Variants in LRFN5 observed in about 807,000 individuals in gnomAD.
LRFN5 encodes the protein leucine-rich repeat and fibronectin type-III domain-containing protein 5.
LRFN5 carries 24 observed loss-of-function variants against 45.6 expected under a neutral mutation model. The observed-to-expected ratio is 0.53, with a 90% CI of 0.38 to 0.74. The LOEUF is 0.74. LRFN5 is among the 30% of genes least tolerant of loss of function. LRFN5 has a pLI of 0.00. For missense variants in LRFN5, 776 were observed against 861.5 expected, an observed-to-expected ratio of 0.90 and a Z score of 1.24; for synonymous variants, 340 against 313.8, an observed-to-expected ratio of 1.08 and a Z score of -0.88.
intron 4 of LRFN5, among the ~76,000 whole-genome samples, chr14:41,898,705 T>C (rs959500443): frequency 1.3e-5 from 2 of 152,022 alleles, no homozygotes; most frequent in African/African-American, 4.8e-5. Flanking sequence ...TTTTTAAGCA[T>C]TAGGAATAAG....
chr14:41,879,034 T>A (rs1187449730), intron 2 of LRFN5, among the ~76,000 whole-genome samples: 1 of 152,056 alleles, frequency 6.6e-6, no homozygotes, highest in African/African-American at 2.4e-5. Flanking sequence ...ATGATTTTTT[T>A]TTCATTACTT....
intron 2 of LRFN5, among the ~76,000 whole-genome samples, chr14:41,787,900 G>A (rs1223239999): frequency 2.0e-5 from 3 of 151,984 alleles, no homozygotes; most frequent in African/African-American, 4.8e-5. Context: ...AGGTAATTAA[G>A]GTTAGATGAA....
intron 1 of LRFN5, among the ~76,000 whole-genome samples, chr14:41,661,199 T>G (rs1435967925): frequency 2.0e-5 from 3 of 151,916 alleles, no homozygotes; most frequent in Admixed American, 1.3e-4. Flanking sequence ...AAATCTCATC[T>G]TATTGAAATA....
chr14:41,654,047 G>C (rs533266631), intron 1 of LRFN5, among the ~76,000 whole-genome samples: 2 of 151,984 alleles, frequency 1.3e-5, no homozygotes, highest in Non-Finnish European at 2.9e-5. Flanking sequence ...AGGGCCTGTC[G>C]TGGGGTTGGG....
intron 1 of LRFN5, among the ~76,000 whole-genome samples, chr14:41,671,609 T>C (rs1204592813): frequency 8.3e-6 from 1 of 121,046 alleles, no homozygotes; most frequent in African/African-American, 3.6e-5. Context: ...GAGAGATTTT[T>C]TTTTTTCGTT....
intron 1 of LRFN5, among the ~76,000 whole-genome samples, chr14:41,679,584 A>G (rs897825581): frequency 3.3e-5 from 5 of 152,086 alleles, no homozygotes; most frequent in African/African-American, 1.2e-4. Flanking sequence ...AAGAGCCCTT[A>G]GGCCCTGAAT....
At chr14:41,677,713 A>G (rs1208715831) in intron 1 of LRFN5, among the ~76,000 whole-genome samples, 2 of 152,126 alleles carry the variant, frequency 1.3e-5, no homozygotes, top group African/African-American at 4.8e-5. Flanking sequence ...GAACACAGAT[A>G]AAATCAATAA....
At chr14:41,709,485 T>A (rs1474340216) in intron 1 of LRFN5, among the ~76,000 whole-genome samples, 1 of 152,062 alleles carries the variant, frequency 6.6e-6, no homozygotes, top group Non-Finnish European at 1.5e-5. Flanking sequence ...CTTCATACAT[T>A]TATTTTCCCA....
At chr14:41,756,840 T>TTAG (rs1420491700) in intron 1 of LRFN5, among the ~76,000 whole-genome samples, 1 of 152,224 alleles carries the variant, frequency 6.6e-6, no homozygotes, top group Non-Finnish European at 1.5e-5. Flanking sequence ...GCTCTGATTT[T>TTAG]TAGAGTTTCC....
intron 1 of LRFN5, among the ~76,000 whole-genome samples, chr14:41,628,091 T>C (rs918529057): frequency 2.0e-4 from 30 of 152,192 alleles, no homozygotes; most frequent in African/African-American, 6.3e-4. Context: ...TTCTGTAATA[T>C]GTGGTGAAAA....
rs1890805119 is a variant in LRFN5, at chr14:41,892,048, T to A, written c.2098+86T>A. The A allele has an allele frequency of 4.6e-6, 7 of 1,521,854 alleles. No individual in the cohort carries two copies. The South Asian group carries it at 6.4e-5, about 14-fold the overall frequency. The allele number at this position is 1,521,854 out of a possible 1,614,324, so 94.3% of individuals were successfully genotyped here. A position where few individuals can be genotyped will look rare whatever the true frequency, so the allele number is the denominator to read the frequency against. On this transcript the variant is annotated intron_variant, in intron 4 of 5. Transcript: ENST00000298119. ...GAGAATTAAAGGAATACTATTGTTA[T>A]ATTAACTCGCCGAACACATGTGGAC...
chr14:41,646,079 A>G (rs1178737339), intron 1 of LRFN5, among the ~76,000 whole-genome samples: 1 of 152,146 alleles, frequency 6.6e-6, no homozygotes, highest in Non-Finnish European at 1.5e-5. Context: ...CAGAGTAAGT[A>G]GCATATCCGT....
At chr14:41,866,462 T>TA (rs540096922) in intron 2 of LRFN5, among the ~76,000 whole-genome samples, 1 of 152,092 alleles carries the variant, frequency 6.6e-6, no homozygotes, top group Non-Finnish European at 1.5e-5. Flanking sequence ...TAGCATGAGA[T>TA]AAAATCACTG....
chr14:41,787,499 C>T (rs1445750552), intron 2 of LRFN5, among the ~76,000 whole-genome samples: 1 of 130,462 alleles, frequency 7.7e-6, no homozygotes. Flanking sequence ...AAATATATAG[C>T]ACTTTTTTTG....
chr14:41,618,971 T>C (rs1212734917), intron 1 of LRFN5, among the ~76,000 whole-genome samples: 5 of 152,154 alleles, frequency 3.3e-5, no homozygotes, highest in Non-Finnish European at 7.4e-5. Flanking sequence ...GTAATTTTGA[T>C]TTGCCTAATT....
At chr14:41,642,498 G>T (rs543877316) in intron 1 of LRFN5, among the ~76,000 whole-genome samples, 13 of 152,146 alleles carry the variant, frequency 8.5e-5, no homozygotes, top group South Asian at 2.1e-4. Flanking sequence ...GCAAATTGAG[G>T]TAATGCATAG....
Position 41,904,238 on chromosome 14 carries a change from T to A in LRFN5, c.*63T>A, listed in dbSNP as rs1021171118. ...CCACTGATATTTTTACTGGATAAAA[T>A]TCAAAAATGTTTCAATTCACAAAGG... On this transcript the variant is annotated 3_prime_UTR_variant, in exon 6 of 6. Coordinates refer to ENST00000298119, the MANE Select transcript of LRFN5 (RefSeq NM_152447.5). 3.2e-6 allele frequency: 5 copies of A among 1,580,254 alleles called. No individual in the cohort carries two copies. The highest frequency in any genetic ancestry group is 3.5e-6 in the Non-Finnish European group (4 of 1,154,108).
chr14:41,757,599 A>G (rs959788635), intron 1 of LRFN5, among the ~76,000 whole-genome samples: 4 of 152,194 alleles, frequency 2.6e-5, no homozygotes, highest in East Asian at 1.9e-4. Flanking sequence ...TGCTAATACC[A>G]TTGGAAAAGC....
At position 41,625,392 on chromosome 14, in the gene LRFN5, T is replaced by C. The variant is rs560590070; in HGVS notation, c.-197+16830T>C. 2.0e-5 allele frequency among the ~76,000 whole-genome samples: 3 copies of C among 152,258 alleles called. No homozygotes were observed. The South Asian group carries it at 6.2e-4, about 32-fold the overall frequency. The stretch of plus-strand genomic sequence containing the variant: ...TCCTGTGCTGGGCACTCATTCTTTC[T>C]CCTGTCGCCCTGTGAAGAGGTAACT... On this transcript the variant is annotated intron_variant, in intron 1 of 5. Transcript: ENST00000298119.
Sources: gnomAD v4.1 joint callset for allele counts (sites outside exome capture counted in the v4.1 genomes callset) on GRCh38, gnomAD v4.1.1 for gene constraint, MANE v1.5 for transcripts, NCBI Gene and HGNC (gene_info 2026-07-23, HGNC 2026-07-21) for gene names.